The following BACH2 variants were observed in gnomAD, a reference collection of about 807,000 sequenced individuals.
BACH2 encodes transcription regulator protein BACH2.
Under a neutral mutation model 61.8 loss-of-function variants are expected in BACH2, and 5 were observed. That is an observed-to-expected ratio of 0.08 (90% CI 0.04 to 0.17). BACH2 has a LOEUF of 0.17. Ranked by LOEUF, BACH2 falls within the 10% of genes least tolerant of loss-of-function variation. The pLI, the probability that BACH2 is intolerant of heterozygous loss-of-function variation, is 1.00. For missense variants in BACH2, 824 were observed against 1,091.1 expected, an observed-to-expected ratio of 0.76 and a Z score of 3.45; for synonymous variants, 446 against 440.1, an observed-to-expected ratio of 1.01 and a Z score of -0.17.
intron 5 of BACH2, among the ~76,000 whole-genome samples, chr6:90,038,672 GAGA>G (rs1779380635): frequency 6.6e-6 from 1 of 152,110 alleles, no homozygotes; most frequent in Non-Finnish European, 1.5e-5. Flanking sequence ...TATCCTTCCA[GAGA>G]GAACTGATGC....
chr6:90,254,901 A>G (rs1770927410), intron 2 of BACH2, among the ~76,000 whole-genome samples: 1 of 152,162 alleles, frequency 6.6e-6, no homozygotes, highest in African/African-American at 2.4e-5. Flanking sequence ...TATAACTTAT[A>G]CTCCCTACAA....
intron 5 of BACH2, among the ~76,000 whole-genome samples, chr6:90,013,509 T>C (rs1415826266): frequency 3.1e-5 from 4 of 127,968 alleles, no homozygotes; most frequent in Non-Finnish European, 6.3e-5. Flanking sequence ...TTTTTCTTTT[T>C]CTTTTTTTTT....
intron 7 of BACH2, 80 bp from the exon 8 acceptor site, chr6:89,938,430 C>G (rs1468125683): frequency 1.2e-5 from 15 of 1,238,600 alleles, no homozygotes; most frequent in Non-Finnish European, 1.5e-5. Context: ...ATGATAAAAC[C>G]TCCTTTTTAT....
intron 5 of BACH2, among the ~76,000 whole-genome samples, chr6:90,078,793 G>C (rs954601905): frequency 6.6e-6 from 1 of 152,154 alleles, no homozygotes; most frequent in African/African-American, 2.4e-5. Flanking sequence ...AGGTCAACAA[G>C]TAGCTAAGCT....
intron 5 of BACH2, among the ~76,000 whole-genome samples, chr6:90,074,681 GA>G (rs1040893885): frequency 1.4e-4 from 21 of 152,136 alleles, no homozygotes; most frequent in African/African-American, 5.1e-4. Context: ...AATATTAGGG[GA>G]AAAATATCAG....
rs181544336 is a variant in BACH2 at position 90,105,116 on chromosome 6, G to A, written c.-161-16007C>T. Among the ~76,000 whole-genome samples the A allele has an allele frequency of 6.2e-4, 94 of 152,338 alleles. No individual in the cohort carries two copies. In the East Asian group the frequency reaches 9.2e-3, roughly 15 times the overall value. ...AGCCAGACCTGTCCAGAGCCATGTG[G>A]ATCAGGGCTGGGAAGGCTTCAGATT... On this transcript the variant is annotated intron_variant, in intron 4 of 8. Transcript: ENST00000257749.
intron 4 of BACH2, among the ~76,000 whole-genome samples, chr6:90,097,713 C>T (rs191647000): frequency 3.9e-5 from 6 of 152,268 alleles, no homozygotes; most frequent in Non-Finnish European, 8.8e-5. Context: ...TTTAAGTATA[C>T]GGTTCAGTGG....
At chr6:89,939,783 G>C (rs1773299777) in intron 7 of BACH2, among the ~76,000 whole-genome samples, 1 of 146,712 alleles carries the variant, frequency 6.8e-6, no homozygotes, top group African/African-American at 2.5e-5. Context: ...TCTTGCCTTG[G>C]CCTCCCAAGT....
intron 6 of BACH2, among the ~76,000 whole-genome samples, chr6:89,995,692 G>A (rs578063992): frequency 1.3e-5 from 2 of 152,126 alleles, no homozygotes; most frequent in Non-Finnish European, 2.9e-5. Context: ...TTTGTTCATG[G>A]CATTTAAAAC....
chr6:90,173,151 G>A (rs1430881021), intron 4 of BACH2, among the ~76,000 whole-genome samples: 1 of 150,618 alleles, frequency 6.6e-6, no homozygotes, highest in East Asian at 1.9e-4. Context: ...TCCAAATGAA[G>A]GCAATAAAGA....
At position 90,054,252 on chromosome 6, in the gene BACH2, C is replaced by A. The variant is rs563333110; in HGVS notation, c.-13+34709G>T. Among the ~76,000 whole-genome samples the A allele has an allele frequency of 1.2e-3, 182 of 152,302 alleles. 1 individual carries two copies. Among genetic ancestry groups the A allele is most frequent in the African/African-American group, 4.3e-3 (178 of 41,558 alleles). On this transcript the variant is annotated intron_variant, in intron 5 of 8. Transcript: ENST00000257749. ...CGGTGACAGACGGCACCTGGAAAAT[C>A]AGGTCACTTCCACCCTAATACTGCG... is the stretch of plus-strand genomic sequence containing the variant.
At chr6:90,042,449 C>T (rs991291629) in intron 5 of BACH2, among the ~76,000 whole-genome samples, 3 of 152,040 alleles carry the variant, frequency 2.0e-5, no homozygotes, top group African/African-American at 7.2e-5. Flanking sequence ...ATCCACTCAC[C>T]TCGGCCTCCC....
At chr6:90,101,420 G>A (rs1388178395) in intron 4 of BACH2, among the ~76,000 whole-genome samples, 1 of 152,242 alleles carries the variant, frequency 6.6e-6, no homozygotes, top group East Asian at 1.9e-4. Context: ...TGTATATGGT[G>A]TAAGGTATAA....
At chr6:90,068,049 G>A (rs1047168955) in intron 5 of BACH2, among the ~76,000 whole-genome samples, 3 of 152,152 alleles carry the variant, frequency 2.0e-5, no homozygotes, top group East Asian at 3.9e-4. Context: ...TGTGCATTCA[G>A]TTTACACCCA....
chr6:89,935,043 A>C (rs1387174673), intron 8 of BACH2, among the ~76,000 whole-genome samples: 2 of 152,212 alleles, frequency 1.3e-5, no homozygotes, highest in African/African-American at 2.4e-5. Flanking sequence ...TACAAGTGCA[A>C]CTTGAGAGAA....
intron 4 of BACH2, among the ~76,000 whole-genome samples, chr6:90,193,435 C>G (rs1768646934): frequency 6.6e-6 from 1 of 152,130 alleles, no homozygotes; most frequent in African/African-American, 2.4e-5. Flanking sequence ...GGAGCAAGGC[C>G]TGGAAGAGAT....
chr6:90,182,221 ACTT>A (rs1768189378), intron 4 of BACH2, among the ~76,000 whole-genome samples: 1 of 152,176 alleles, frequency 6.6e-6, no homozygotes, highest in African/African-American at 2.4e-5. Context: ...AATCAAAGAC[ACTT>A]TTCTCTCTCT....
At chr6:90,051,051 C>T (rs1158028925) in intron 5 of BACH2, among the ~76,000 whole-genome samples, 6 of 151,984 alleles carry the variant, frequency 3.9e-5, no homozygotes, top group Non-Finnish European at 8.8e-5. Context: ...GGATTACAGG[C>T]TTTTACAGGC....
At chr6:90,122,167 A>G (rs1163018473) in intron 4 of BACH2, among the ~76,000 whole-genome samples, 1 of 152,240 alleles carries the variant, frequency 6.6e-6, no homozygotes, top group East Asian at 1.9e-4. Flanking sequence ...GGCCAAATGC[A>G]CATCCTCTCT....
Sources: gnomAD v4.1 joint callset for allele counts (sites outside exome capture counted in the v4.1 genomes callset) on GRCh38, gnomAD v4.1.1 for gene constraint, MANE v1.5 for transcripts, NCBI Gene and HGNC (gene_info 2026-07-23, HGNC 2026-07-21) for gene names.